The following DLEU7 variants were observed in gnomAD, a reference collection of about 807,000 sequenced individuals.
The protein encoded by DLEU7 is leukemia-associated protein 7.
DLEU7 carries 17 observed loss-of-function variants against 16.0 expected under a neutral mutation model. The observed-to-expected ratio is 1.06, with a 90% confidence interval of 0.73 to 1.59. DLEU7 has a LOEUF of 1.59. Ranked by LOEUF, DLEU7 falls within the 40% of genes most tolerant of loss-of-function variation. The pLI is 0.00. For synonymous variants in DLEU7, 113 were observed against 139.8 expected (o/e 0.81, Z 1.35); for missense variants, 308 against 314.9 (o/e 0.98, Z 0.17).
At chr13:50,820,241 G>A (rs1336506741), downstream of DLEU7, among the ~76,000 whole-genome samples, 1 of 151,924 alleles carries the variant, frequency 6.6e-6, no homozygotes, top group East Asian at 1.9e-4. Context: ...TGGACAAAAA[G>A]AATTGTAAGT....
intron 1 of DLEU7, among the ~76,000 whole-genome samples, chr13:50,787,256 A>T (rs1374795409): frequency 1.3e-5 from 2 of 152,200 alleles, no homozygotes; most frequent in Non-Finnish European, 2.9e-5. Context: ...AATGCCCAGG[A>T]GGGGATTTAA....
intron 1 of DLEU7, among the ~76,000 whole-genome samples, chr13:50,842,446 C>G (rs1236675176): frequency 6.6e-6 from 1 of 152,164 alleles, no homozygotes; most frequent in African/African-American, 2.4e-5. Flanking sequence ...AGGACTGAAA[C>G]CCAGACCCCC....
intron 1 of DLEU7, among the ~76,000 whole-genome samples, chr13:50,728,865 TACTC>T (rs1372799377): frequency 6.6e-6 from 1 of 152,176 alleles, no homozygotes; most frequent in Non-Finnish European, 1.5e-5. Flanking sequence ...ATGCACATCA[TACTC>T]ACTACTGAAG....
downstream of DLEU7, among the ~76,000 whole-genome samples, chr13:50,820,803 T>A (rs534633628): frequency 6.6e-6 from 1 of 152,224 alleles, no homozygotes; most frequent in South Asian, 2.1e-4. Context: ...ATTGAAAACA[T>A]GAAAAGAAAT....
chr13:50,758,784 G>A (rs994675982), intron 1 of DLEU7, among the ~76,000 whole-genome samples: 2 of 152,230 alleles, frequency 1.3e-5, no homozygotes, highest in African/African-American at 2.4e-5. Context: ...GAGAGAAGGA[G>A]AAAGAGGATA....
intron 1 of DLEU7, among the ~76,000 whole-genome samples, chr13:50,742,223 C>A (rs1325690170): frequency 3.3e-5 from 5 of 151,798 alleles, no homozygotes; most frequent in Admixed American, 6.6e-5. Flanking sequence ...TTTGTGTTTT[C>A]CAATTTTCTG....
At chr13:50,802,265 C>T (rs1233230205) in intron 1 of DLEU7, among the ~76,000 whole-genome samples, 2 of 151,810 alleles carry the variant, frequency 1.3e-5, no homozygotes, top group Admixed American at 6.6e-5. Flanking sequence ...ACTGATGCTT[C>T]TCCACCCAGG....
At chr13:50,716,973 A>T (rs1873456504) in intron 1 of DLEU7, among the ~76,000 whole-genome samples, 1 of 152,192 alleles carries the variant, frequency 6.6e-6, no homozygotes, top group South Asian at 2.1e-4. Context: ...TATACACATG[A>T]CGCATTTAAT....
At chr13:50,781,329 C>T (rs1429011242) in intron 1 of DLEU7, among the ~76,000 whole-genome samples, 1 of 152,204 alleles carries the variant, frequency 6.6e-6, no homozygotes, top group African/African-American at 2.4e-5. Flanking sequence ...TTTGACCAGC[C>T]ATCAGAGAAA....
chr13:50,718,356 G>A (rs768312028), intron 1 of DLEU7, among the ~76,000 whole-genome samples: 2 of 152,174 alleles, frequency 1.3e-5, no homozygotes, highest in African/African-American at 4.8e-5. Flanking sequence ...TTTAAAGAAG[G>A]AAATAGAAGA....
chr13:50,752,127 T>C (rs1450094454), intron 1 of DLEU7, among the ~76,000 whole-genome samples: 1 of 150,450 alleles, frequency 6.6e-6, no homozygotes, highest in African/African-American at 2.4e-5. Context: ...TCTCGGCTCA[T>C]TGCAAGCTCT....
At chr13:50,795,541 C>A (rs1445414565) in intron 1 of DLEU7, among the ~76,000 whole-genome samples, 1 of 152,064 alleles carries the variant, frequency 6.6e-6, no homozygotes, top group Non-Finnish European at 1.5e-5. Context: ...ACATTGTATG[C>A]CACAATATGG....
At chr13:50,737,053 T>C (rs962874643) in intron 1 of DLEU7, among the ~76,000 whole-genome samples, 13 of 152,106 alleles carry the variant, frequency 8.5e-5, no homozygotes, top group Non-Finnish European at 1.6e-4. Context: ...TTAATGAGTT[T>C]GTGGGGTGGG....
intron 1 of DLEU7, among the ~76,000 whole-genome samples, chr13:50,758,330 G>A (rs1874823623): frequency 6.6e-6 from 1 of 152,178 alleles, no homozygotes; most frequent in Non-Finnish European, 1.5e-5. Context: ...ATTGATCAAA[G>A]TGAGAAGATA....
At chr13:50,824,217 A>T (rs1877011372) in intron 1 of DLEU7, among the ~76,000 whole-genome samples, 1 of 152,212 alleles carries the variant, frequency 6.6e-6, no homozygotes, top group African/African-American at 2.4e-5. Context: ...AACAGTTCCC[A>T]GGTAGTTTAA....
intron 1 of DLEU7, among the ~76,000 whole-genome samples, chr13:50,715,650 A>T (rs1873420098): frequency 6.6e-6 from 1 of 152,182 alleles, no homozygotes; most frequent in Non-Finnish European, 1.5e-5. Flanking sequence ...GAAGTCGGAG[A>T]TGGAGGAGGG....
intron 1 of DLEU7, among the ~76,000 whole-genome samples, chr13:50,762,572 G>A (rs1874969601): frequency 6.6e-6 from 1 of 152,124 alleles, no homozygotes; most frequent in South Asian, 2.1e-4. Flanking sequence ...GAACTTGATG[G>A]AAGCTTGCAT....
intron 1 of DLEU7, among the ~76,000 whole-genome samples, chr13:50,828,022 CTAA>C (rs1375073726): frequency 6.6e-6 from 1 of 151,960 alleles, no homozygotes; most frequent in African/African-American, 2.4e-5. Flanking sequence ...AAAACTATGA[CTAA>C]TAAAATGAAT....
At chr13:50,823,571 A>G in intron 1 of DLEU7, 51 bp from the exon 2 acceptor site, 3 of 1,525,272 alleles carry the variant, frequency 2.0e-6, no homozygotes, top group Non-Finnish European at 1.8e-6. Context: ...TATGGGGGCC[A>G]ATTGTTGTAC....
Sources: gnomAD v4.1 joint callset for allele counts (sites outside exome capture counted in the v4.1 genomes callset) on GRCh38, gnomAD v4.1.1 for gene constraint, MANE v1.5 for transcripts, NCBI Gene and HGNC (gene_info 2026-07-23, HGNC 2026-07-21) for gene names.